The following NINL variants were observed in gnomAD, a reference collection of about 807,000 sequenced individuals.
NINL encodes ninein like.
A neutral mutation model predicts 160.3 loss-of-function variants in NINL; 153 were observed. That is an observed-to-expected ratio of 0.95 (90% CI 0.84 to 1.09). NINL has a LOEUF of 1.09. NINL is among the 50% of genes least tolerant of loss of function. NINL has a pLI of 0.00. For missense variants in NINL, 1,829 were observed against 1,764.0 expected, an observed-to-expected ratio of 1.04 and a Z score of -0.66; for synonymous variants, 800 against 734.8, an observed-to-expected ratio of 1.09 and a Z score of -1.43.
intron 13 of NINL, among the ~76,000 whole-genome samples, chr20:25,485,663 T>C (rs1445361169): frequency 2.0e-5 from 3 of 152,246 alleles, no homozygotes; most frequent in Admixed American, 1.3e-4. Flanking sequence ...ATCACAAACA[T>C]TTACTCCCAT....
At position 25,496,707 on chromosome 20, in the gene NINL, G is replaced by A. The variant is rs1293672522; in HGVS notation, c.1266C>T (p.Asp422=). ...GCTGCTCCAGGGTGGAGTGGCAGTC[G>A]TCCATCTCTTTCACAAACTCCAGGT... ...KRNLEFVKEM[D]DCHSTLEQLT... The change falls in exon 10 of 24, where the codon GAC becomes GAT. Residue 422 remains aspartate (D), a synonymous_variant. Coordinates refer to ENST00000278886, the MANE Select transcript of NINL (RefSeq NM_025176.6). 5 of 1,614,026 alleles carry A rather than the reference G, an allele frequency of 3.1e-6. No individual in the cohort carries two copies. Among genetic ancestry groups the A allele is most frequent in the Non-Finnish European group, 3.4e-6 (4 of 1,180,014 alleles).
In NINL at chr20:25,522,190, G is replaced by A. The variant is rs139861549; in HGVS notation, c.180+4218C>T. Among the ~76,000 whole-genome samples, 778 of 152,326 alleles carry A rather than the reference G, an allele frequency of 5.1e-3. 10 individuals are homozygous for A. Among genetic ancestry groups the A allele is most frequent in the African/African-American group, 0.018 (737 of 41,568 alleles). ...ACCAAAGTACTGGGATTACAGACCTGAGCCACCATGCCAAGCCTATCGCAG... is the reference window on the plus strand; with the variant it reads ...ACCAAAGTACTGGGATTACAGACCTAAGCCACCATGCCAAGCCTATCGCAG... On this transcript the variant is annotated intron_variant, in intron 2 of 23. Coordinates refer to ENST00000278886, the MANE Select transcript of NINL (RefSeq NM_025176.6).
Position 25,481,978 on chromosome 20 carries a change from G to C in NINL, c.1800C>G (p.Leu600=), listed in dbSNP as rs199654984. Residue 600 remains leucine (L), a synonymous_variant, in exon 14 of 24, where the codon CTC becomes CTG. Transcript: ENST00000278886. ...PDGRRRQLPG[L]GPAGISFLGN... ...GGGACGGGCTCCTACCTGCTGGGCC[G>C]AGTCCAGGGAGCTGCCGTCTGCGCC... 6.3e-7 allele frequency: 1 copy of C among 1,597,202 alleles called. No individual in the cohort carries two copies.
At chr20:25,583,179 G>C (rs1336256551) in intron 1 of NINL, among the ~76,000 whole-genome samples, 1 of 152,174 alleles carries the variant, frequency 6.6e-6, no homozygotes, top group Non-Finnish European at 1.5e-5. Context: ...TCTTCAGAGT[G>C]AACAGGCAAC....
intron 11 of NINL, among the ~76,000 whole-genome samples, chr20:25,490,342 C>T (rs1349458168): frequency 6.6e-6 from 1 of 152,124 alleles, no homozygotes; most frequent in East Asian, 1.9e-4. Flanking sequence ...GGGCGGATCA[C>T]AAGGTCAGGA....
At chr20:25,459,853 C>A (rs1244739344) in intron 21 of NINL, among the ~76,000 whole-genome samples, 3 of 152,164 alleles carry the variant, frequency 2.0e-5, no homozygotes, top group Non-Finnish European at 4.4e-5. Context: ...GCGAGACGGG[C>A]CACATCTACA....
intron 19 of NINL, among the ~76,000 whole-genome samples, chr20:25,465,636 C>T (rs924820756): frequency 1.3e-5 from 2 of 152,084 alleles, no homozygotes; most frequent in Non-Finnish European, 2.9e-5. Flanking sequence ...CCTTCCCAGC[C>T]GAGACCCCAC....
intron 1 of NINL, among the ~76,000 whole-genome samples, chr20:25,543,179 C>A (rs928804287): frequency 3.3e-5 from 5 of 152,136 alleles, no homozygotes; most frequent in South Asian, 4.1e-4. Context: ...ACACACACCC[C>A]CCTCCCAAAT....
chr20:25,583,029 C>T lies in NINL; in HGVS notation c.-12+2426G>A, dbSNP rs6107056. ...TGTAAAACCCAAAACCATAAAAAACCTAAAAGAAAACCTAGGCAATACTAT... is the reference window on the plus strand; with the variant it reads ...TGTAAAACCCAAAACCATAAAAAACTTAAAAGAAAACCTAGGCAATACTAT... On this transcript the variant is annotated intron_variant, in intron 1 of 23. Coordinates refer to ENST00000278886, the MANE Select transcript of NINL (RefSeq NM_025176.6). 3.9e-5 allele frequency among the ~76,000 whole-genome samples: 6 copies of T among 152,180 alleles called. No homozygotes were observed. The East Asian group carries it at 1.2e-3, about 29-fold the overall frequency.
chr20:25,537,671 T>C (rs1312156357), intron 1 of NINL, among the ~76,000 whole-genome samples: 1 of 152,144 alleles, frequency 6.6e-6, no homozygotes, highest in Admixed American at 6.5e-5. Flanking sequence ...GGATGCGTCA[T>C]GGGGAGGCCC....
intron 19 of NINL, among the ~76,000 whole-genome samples, chr20:25,466,966 A>G (rs1251885700): frequency 6.6e-6 from 1 of 152,206 alleles, no homozygotes; most frequent in African/African-American, 2.4e-5. Context: ...AGATGGGCTG[A>G]GCATGCTGGC....
intron 23 of NINL, among the ~76,000 whole-genome samples, chr20:25,454,531 G>C (rs2090618547): frequency 6.6e-6 from 1 of 152,174 alleles, no homozygotes; most frequent in Non-Finnish European, 1.5e-5. Flanking sequence ...TGGCCCCAGG[G>C]AGGGACTGGG....
intron 1 of NINL, among the ~76,000 whole-genome samples, chr20:25,560,778 G>A (rs955369672): frequency 6.6e-6 from 1 of 151,990 alleles, no homozygotes; most frequent in Non-Finnish European, 1.5e-5. Context: ...GAAAGACAAG[G>A]AAGGAGGCAG....
At chr20:25,574,511 C>T (rs2065092523) in intron 1 of NINL, among the ~76,000 whole-genome samples, 2 of 152,334 alleles carry the variant, frequency 1.3e-5, no homozygotes, top group East Asian at 1.9e-4. Context: ...ACCGCTTCCA[C>T]CCTTTACCCA....
At chr20:25,486,062 A>G (rs1430142600) in intron 13 of NINL, among the ~76,000 whole-genome samples, 1 of 152,260 alleles carries the variant, frequency 6.6e-6, no homozygotes, top group Non-Finnish European at 1.5e-5. Context: ...ATCCACACCA[A>G]CACAGCCAGT....
In NINL at chr20:25,510,741, C is replaced by G; in HGVS notation, c.451-1G>C. ...CGGCCTCTTCATCTGACTTGGGACT[C>G]TGTAGAAAGATGCAGAGAGAAGGCT... On this transcript the variant is annotated splice_acceptor_variant, in intron 4 of 23. Coordinates refer to ENST00000278886, the MANE Select transcript of NINL (RefSeq NM_025176.6). LOFTEE classifies it high-confidence loss of function. 6.2e-7 allele frequency: 1 copy of G among 1,612,480 alleles called. No homozygotes were observed. The highest frequency in any genetic ancestry group is 8.5e-7 in the Non-Finnish European group (1 of 1,179,072).
At chr20:25,475,945 G>T (rs2063220961) in intron 17 of NINL, 98 bp downstream of exon 17, 1 of 1,297,448 alleles carries the variant, frequency 7.7e-7, no homozygotes, top group Non-Finnish European at 1.1e-6. Context: ...CTTGTCGGCA[G>T]GAAGGGCCAC....
chr20:25,576,195 A>G (rs1206411967), intron 1 of NINL, among the ~76,000 whole-genome samples: 1 of 152,168 alleles, frequency 6.6e-6, no homozygotes. Context: ...CCATTTTCTC[A>G]GTCTCTGTTT....
At chr20:25,534,548 C>G (rs1014812628) in intron 1 of NINL, among the ~76,000 whole-genome samples, 21 of 152,164 alleles carry the variant, frequency 1.4e-4, no homozygotes, top group Middle Eastern at 3.2e-3. Flanking sequence ...CAAGCAGGTT[C>G]GTGTACTGAA....
Sources: allele counts gnomAD v4.1 joint callset (sites outside exome capture counted in the v4.1 genomes callset), GRCh38; gene constraint gnomAD v4.1.1; transcripts MANE v1.5; gene names NCBI Gene and HGNC (gene_info 2026-07-23, HGNC 2026-07-21).